CREG1: variants seen among roughly 807,000 people sequenced by gnomAD.
CREG1 encodes the protein cellular repressor of E1A stimulated genes 1.
Under a neutral mutation model 19.9 loss-of-function variants are expected in CREG1, and 20 were observed. The observed-to-expected ratio is 1.01, with a 90% CI of 0.71 to 1.46. The LOEUF (loss-of-function observed/expected upper bound fraction) is 1.46. CREG1 is among the 40% of genes most tolerant of loss of function. The probability of loss-of-function intolerance (pLI) is 0.00; values close to 1 mark genes in which losing one functional copy is unlikely to be tolerated. For missense variants in CREG1, 290 were observed against 314.9 expected (o/e 0.92, Z 0.60); for synonymous variants, 141 against 143.3 (o/e 0.98, Z 0.12).
rs371241698 is a variant in CREG1 at position 167,546,102 on chromosome 1, G to C, written c.658C>G (p.Gln220Glu). 7.5e-6 allele frequency: 12 copies of C among 1,597,586 alleles called. No homozygotes were observed. The highest frequency in any genetic ancestry group is 4.0e-5 in the African/African-American group (3 of 74,358). The change falls in exon 3 of 4, where the codon CAG becomes GAG. Residue 220 changes from glutamine (Q) to glutamate (E), a missense_variant and splice_region_variant. Gln to Glu is a conservative substitution (Grantham distance 29). Transcript: ENST00000370509. Reference protein sequence around the residue: ...TPEEYYNVTVQ With the variant: ...TPEEYYNVTVE ...GGTGAAAGATGTGTAAGTACTTACT[G>C]AACTGTGACATTATAATATTCTTCT...
At chr1:167,543,054 T>C (rs957251755) in intron 3 of CREG1, among the ~76,000 whole-genome samples, 1 of 152,142 alleles carries the variant, frequency 6.6e-6, no homozygotes, top group East Asian at 1.9e-4. Context: ...GAGACCATCC[T>C]GGCTGACATG....
intron 1 of CREG1, among the ~76,000 whole-genome samples, chr1:167,549,972 C>T (rs1656397232): frequency 6.6e-6 from 1 of 152,136 alleles, no homozygotes; most frequent in Non-Finnish European, 1.5e-5. Flanking sequence ...CAGGCATGAG[C>T]CACCAAGCTG....
intron 1 of CREG1, 25 bp downstream of exon 1, chr1:167,553,362 TG>T (rs1233513372): frequency 5.2e-6 from 7 of 1,347,538 alleles, no homozygotes; most frequent in Non-Finnish European, 6.7e-6. Flanking sequence ...ACAGCCCGCC[TG>T]GGGAAGCCGC....
chr1:167,548,738 T>C (rs188566219), intron 1 of CREG1, among the ~76,000 whole-genome samples: 2 of 152,376 alleles, frequency 1.3e-5, no homozygotes, highest in Admixed American at 6.5e-5. Flanking sequence ...TGACAGATTA[T>C]AGCAAAATTC....
chr1:167,551,398 T>C (rs993518807), intron 1 of CREG1, among the ~76,000 whole-genome samples: 10 of 152,202 alleles, frequency 6.6e-5, no homozygotes, highest in African/African-American at 2.4e-4. Context: ...TGTGGCCACT[T>C]CTTTTCACTG....
chr1:167,542,862 G>A (rs901948919), intron 3 of CREG1, among the ~76,000 whole-genome samples: 4 of 152,094 alleles, frequency 2.6e-5, no homozygotes, highest in East Asian at 1.9e-4. Context: ...GGAAATATCC[G>A]GATGTGCGCC....
intron 2 of CREG1, 150 bp from the exon 3 acceptor site, chr1:167,546,435 A>G: frequency 2.0e-6 from 1 of 511,186 alleles, no homozygotes; most frequent in Non-Finnish European, 3.4e-6. Context: ...CGAGGTCAGG[A>G]GACTCAGACC....
At chr1:167,553,125 A>C (rs1307052738) in intron 1 of CREG1, among the ~76,000 whole-genome samples, 1 of 151,722 alleles carries the variant, frequency 6.6e-6, no homozygotes, top group Non-Finnish European at 1.5e-5. Context: ...AGAACCACTC[A>C]CGGATGAGAA....
rs760604408 is a variant in CREG1 at position 167,548,002 on chromosome 1, C to T, written c.474G>A (p.Lys158=). The T allele has an allele frequency of 9.3e-6, 15 of 1,609,476 alleles. No homozygotes were observed. Among genetic ancestry groups the T allele is most frequent in the Non-Finnish European group, 1.2e-5 (14 of 1,176,216 alleles). ...VHIMLSGTVT[K]VNETEMDIAK... ...CCCTTCCTGTAGGATAACTACTTAC[C>T]TTGGTCACAGTTCCTGACAGCATTA... is the stretch of plus-strand genomic sequence containing the variant. Residue 158 remains lysine, a splice_region_variant and synonymous_variant, in exon 2 of 4, where the codon AAG becomes AAA. Transcript: ENST00000370509.
At chr1:167,543,113 G>A (rs1461948653) in intron 3 of CREG1, among the ~76,000 whole-genome samples, 1 of 152,036 alleles carries the variant, frequency 6.6e-6, no homozygotes, top group Non-Finnish European at 1.5e-5. Context: ...CAGGCGTGGT[G>A]GCAGGTGCCT....
Position 167,553,052 on chromosome 1 carries a change from G to GA in CREG1, c.354+335dup, listed in dbSNP as rs61415477. Among the ~76,000 whole-genome samples the GA allele has an allele frequency of 5.7e-3, 817 of 142,192 alleles. 5 individuals are homozygous for GA. The highest frequency in any genetic ancestry group is 0.019 in the African/African-American group (733 of 38,478). 93.3% of individuals were successfully genotyped at this position (142,192 alleles called of 152,430 possible). A position where few individuals can be genotyped will look rare whatever the true frequency, so the allele number is the denominator to read the frequency against. On this transcript the variant is annotated intron_variant, in intron 1 of 3. Coordinates refer to ENST00000370509, the MANE Select transcript of CREG1 (RefSeq NM_003851.3). ...ACAAAGTGAGATTCTGTCTCAAAGG[G>GA]AAAAAAAAAAAAAAAGAGAATAGGA...
Position 167,548,035 on chromosome 1 carries a change from A to G in CREG1, c.441T>C (p.Cys147=), listed in dbSNP as rs1165445011. 4 of 1,613,870 alleles carry G rather than the reference A, an allele frequency of 2.5e-6. No homozygotes were observed. Among genetic ancestry groups the G allele is most frequent in the Non-Finnish European group, 3.4e-6 (4 of 1,179,828 alleles). ...CAGTTCCTGACAGCATTATGTGAAC[A>G]CAAAGGGGACTTTGTGGATCAAATC... is the stretch of plus-strand genomic sequence containing the variant. ...KHGFDPQSPL[C]VHIMLSGTVT... The change falls in exon 2 of 4, where the codon TGT becomes TGC. Residue 147 remains cysteine, a synonymous_variant. Coordinates refer to ENST00000370509, the MANE Select transcript of CREG1 (RefSeq NM_003851.3).
chr1:167,553,375 G>T lies in CREG1; in HGVS notation c.354+13C>A, dbSNP rs1414573333. On this transcript the variant is annotated intron_variant, in intron 1 of 3. Coordinates refer to ENST00000370509, the MANE Select transcript of CREG1 (RefSeq NM_003851.3). ...CCACAGCCCGCCTGGGGAAGCCGCG[G>T]GCCCCAGCTCACCTGCAGGTTGCTC... The T allele has an allele frequency of 7.3e-7, 1 of 1,367,954 alleles. No individual in the cohort carries two copies. Among genetic ancestry groups the T allele is most frequent in the Non-Finnish European group, 9.4e-7 (1 of 1,060,912 alleles). 84.7% of individuals were successfully genotyped at this position (1,367,954 alleles called of 1,614,324 possible). A position where few individuals can be genotyped will look rare whatever the true frequency, so the allele number is the denominator to read the frequency against.
At chr1:167,548,526 C>T (rs1656368046) in intron 1 of CREG1, among the ~76,000 whole-genome samples, 1 of 152,038 alleles carries the variant, frequency 6.6e-6, no homozygotes, top group Non-Finnish European at 1.5e-5. Flanking sequence ...AATTGGCTAA[C>T]TACGCGATTT....
chr1:167,544,052 T>C (rs919366186), intron 3 of CREG1, among the ~76,000 whole-genome samples: 2 of 152,230 alleles, frequency 1.3e-5, no homozygotes, highest in African/African-American at 4.8e-5. Flanking sequence ...AGGCCCTTCT[T>C]AACAGTCATC....
At chr1:167,549,982 G>C (rs1239012242) in intron 1 of CREG1, among the ~76,000 whole-genome samples, 1 of 151,690 alleles carries the variant, frequency 6.6e-6, no homozygotes, top group African/African-American at 2.4e-5. Flanking sequence ...CCACCAAGCT[G>C]TCCTCTATCT....
intron 3 of CREG1, among the ~76,000 whole-genome samples, chr1:167,543,646 C>A (rs953389838): frequency 6.6e-6 from 1 of 152,108 alleles, no homozygotes; most frequent in Non-Finnish European, 1.5e-5. Context: ...GCAAACCTGG[C>A]GGGTGGGATT....
chr1:167,550,575 G>A (rs1177788614), intron 1 of CREG1, among the ~76,000 whole-genome samples: 1 of 152,172 alleles, frequency 6.6e-6, no homozygotes, highest in African/African-American at 2.4e-5. Context: ...GGAACTGAGG[G>A]ATTTGGGGAG....
intron 2 of CREG1, among the ~76,000 whole-genome samples, chr1:167,546,933 C>G (rs1157203703): frequency 6.6e-6 from 1 of 152,164 alleles, no homozygotes; most frequent in African/African-American, 2.4e-5. Context: ...CATATTTATC[C>G]CATAACATGG....
Sources: gnomAD v4.1 joint callset for allele counts (sites outside exome capture counted in the v4.1 genomes callset) on GRCh38, gnomAD v4.1.1 for gene constraint, MANE v1.5 for transcripts, NCBI Gene and HGNC (gene_info 2026-07-23, HGNC 2026-07-21) for gene names.